The following SLC25A21 variants were observed in gnomAD, a reference collection of about 807,000 sequenced individuals.
The protein encoded by SLC25A21 is mitochondrial 2-oxodicarboxylate carrier.
Under a neutral mutation model 43.8 loss-of-function variants are expected in SLC25A21, and 47 were observed. That is an observed-to-expected ratio of 1.07 (90% CI 0.85 to 1.37). SLC25A21 has a LOEUF of 1.37. Ranked by LOEUF, SLC25A21 falls within the 40% of genes most tolerant of loss-of-function variation. The pLI is 0.00. For synonymous variants in SLC25A21, 131 were observed against 121.3 expected (o/e 1.08, Z -0.52); for missense variants, 352 against 350.2 (o/e 1.00, Z -0.04).
At chr14:36,752,333 C>A (rs368658196) in intron 3 of SLC25A21, among the ~76,000 whole-genome samples, 2 of 152,118 alleles carry the variant, frequency 1.3e-5, no homozygotes, top group African/African-American at 4.8e-5. Context: ...TGGAAAACAG[C>A]GTGGAGGATC....
At chr14:36,944,548 T>C (rs1210919180) in intron 1 of SLC25A21, among the ~76,000 whole-genome samples, 1 of 152,210 alleles carries the variant, frequency 6.6e-6, no homozygotes, top group Non-Finnish European at 1.5e-5. Context: ...GAGCGACATC[T>C]GTTCCACAGT....
At chr14:36,721,177 C>T (rs1043046868) in intron 6 of SLC25A21, among the ~76,000 whole-genome samples, 2 of 152,222 alleles carry the variant, frequency 1.3e-5, no homozygotes, top group African/African-American at 4.8e-5. Context: ...TATATTAACA[C>T]ATTAAAATTC....
intron 1 of SLC25A21, among the ~76,000 whole-genome samples, chr14:37,091,250 T>C (rs1259189139): frequency 2.0e-5 from 3 of 152,062 alleles, no homozygotes; most frequent in South Asian, 2.1e-4. Context: ...CTGGCTAACA[T>C]GGTGAAACAC....
At chr14:36,994,078 G>T (rs1960321220) in intron 1 of SLC25A21, among the ~76,000 whole-genome samples, 1 of 152,066 alleles carries the variant, frequency 6.6e-6, no homozygotes, top group African/African-American at 2.4e-5. Flanking sequence ...TATCTACAAA[G>T]ATAACACTTC....
chr14:36,775,084 C>T (rs1886775492), intron 3 of SLC25A21, among the ~76,000 whole-genome samples: 1 of 152,174 alleles, frequency 6.6e-6, no homozygotes, highest in East Asian at 1.9e-4. Flanking sequence ...TTCTTATCTT[C>T]ATGAGATGGT....
chr14:37,115,888 A>C (rs1409356925), intron 1 of SLC25A21, among the ~76,000 whole-genome samples: 1 of 152,228 alleles, frequency 6.6e-6, no homozygotes, highest in Non-Finnish European at 1.5e-5. Flanking sequence ...AATATTCAGC[A>C]CTTTGGCTAA....
intron 1 of SLC25A21, among the ~76,000 whole-genome samples, chr14:36,946,033 T>G (rs1033210823): frequency 6.6e-6 from 1 of 152,222 alleles, no homozygotes; most frequent in Non-Finnish European, 1.5e-5. Context: ...ATTATGTGAA[T>G]GCTTCCGTTA....
intron 1 of SLC25A21, among the ~76,000 whole-genome samples, chr14:37,037,539 CTCTT>C (rs1303083086): frequency 2.6e-5 from 4 of 152,122 alleles, no homozygotes; most frequent in East Asian, 3.9e-4. Context: ...TTTTCTCTCT[CTCTT>C]TTTCATGCTA....
At chr14:36,776,175 C>G (rs1467973649) in intron 3 of SLC25A21, among the ~76,000 whole-genome samples, 2 of 149,998 alleles carry the variant, frequency 1.3e-5, no homozygotes, top group African/African-American at 4.9e-5. Context: ...CTCAATCCAT[C>G]AATTCTTGAA....
At chr14:36,820,169 C>T (rs116612969) in intron 2 of SLC25A21, among the ~76,000 whole-genome samples, 1,538 of 152,282 alleles carry the variant, frequency 0.01, 36 homozygotes, top group African/African-American at 0.035. Context: ...GGCATCACCC[C>T]TGGATCACTT....
chr14:36,845,323 A>G (rs954196598), intron 2 of SLC25A21, among the ~76,000 whole-genome samples: 1 of 152,236 alleles, frequency 6.6e-6, no homozygotes, highest in African/African-American at 2.4e-5. Context: ...TGGATTTCTG[A>G]AAAAAAGTAT....
chr14:36,961,641 G>A (rs1344191295), intron 1 of SLC25A21, among the ~76,000 whole-genome samples: 1 of 152,114 alleles, frequency 6.6e-6, no homozygotes, highest in Non-Finnish European at 1.5e-5. Context: ...TCCATTGCTG[G>A]TGAGGGGTAG....
chr14:37,162,089 G>A (rs926805933), intron 1 of SLC25A21, among the ~76,000 whole-genome samples: 9 of 152,208 alleles, frequency 5.9e-5, no homozygotes, highest in African/African-American at 1.4e-4. Context: ...AATACCAAGC[G>A]TTGCTGGCAA....
At chr14:36,829,391 C>A (rs1283788177) in intron 2 of SLC25A21, among the ~76,000 whole-genome samples, 1 of 152,142 alleles carries the variant, frequency 6.6e-6, no homozygotes, top group Admixed American at 6.5e-5. Flanking sequence ...CTCAGGCTTG[C>A]TGGTTCTGTC....
At chr14:36,984,908 A>G (rs147029577) in intron 1 of SLC25A21, among the ~76,000 whole-genome samples, 10,524 of 151,408 alleles carry the variant, frequency 0.07, 397 homozygotes, top group Admixed American at 0.081. Flanking sequence ...TCACAATAGC[A>G]AAGACTTGGA....
intron 1 of SLC25A21, among the ~76,000 whole-genome samples, chr14:36,889,471 T>G (rs1377346942): frequency 6.6e-6 from 1 of 151,628 alleles, no homozygotes; most frequent in Non-Finnish European, 1.5e-5. Context: ...TGGGAAACAT[T>G]ATCTTAATCA....
intron 1 of SLC25A21, among the ~76,000 whole-genome samples, chr14:37,015,876 T>G (rs1960843014): frequency 6.6e-6 from 1 of 152,160 alleles, no homozygotes. Flanking sequence ...TTCGCCCACT[T>G]GTTGATGGGG....
chr14:36,942,323 C>T (rs1383432216), intron 1 of SLC25A21, among the ~76,000 whole-genome samples: 3 of 152,224 alleles, frequency 2.0e-5, no homozygotes, highest in African/African-American at 7.2e-5. Flanking sequence ...GCCATACATG[C>T]AAGGTACACG....
At chr14:36,753,809 A>G (rs1416569464) in intron 3 of SLC25A21, among the ~76,000 whole-genome samples, 2 of 152,050 alleles carry the variant, frequency 1.3e-5, no homozygotes, top group Admixed American at 1.3e-4. Context: ...TTCTCTCTAT[A>G]GTGTATCCAC....
Sources: gnomAD v4.1 joint callset for allele counts (sites outside exome capture counted in the v4.1 genomes callset) on GRCh38, gnomAD v4.1.1 for gene constraint, MANE v1.5 for transcripts, NCBI Gene and HGNC (gene_info 2026-07-23, HGNC 2026-07-21) for gene names.